NRIP2: variants seen among roughly 807,000 people sequenced by gnomAD.
NRIP2 encodes nuclear receptor-interacting protein 2.
In NRIP2, 27 loss-of-function variants were observed where a neutral mutation model predicts 34.1. That is an observed-to-expected ratio of 0.79 (90% CI 0.58 to 1.09). NRIP2 has a LOEUF of 1.09. Among genes scored for constraint, NRIP2 ranks in the 50% least tolerant of loss-of-function variants. The pLI is 0.00. For synonymous variants in NRIP2, 145 were observed against 146.9 expected (o/e 0.99, Z 0.09); for missense variants, 385 against 352.6 (o/e 1.09, Z -0.74).
intron 1 of NRIP2, among the ~76,000 whole-genome samples, chr12:2,831,651 C>T (rs915717917): frequency 1.4e-4 from 21 of 152,138 alleles, no homozygotes; most frequent in African/African-American, 4.8e-4. Flanking sequence ...TGACCTGTCC[C>T]TCATCTACAA....
At chr12:2,830,599 CCCTT>C in intron 2 of NRIP2, 105 bp downstream of exon 2, 1 of 1,196,768 alleles carries the variant, frequency 8.4e-7, no homozygotes. Context: ...GAGAGAGGTG[CCCTT>C]TCTCCCTCCC....
chr12:2,827,777 G>T lies in NRIP2; in HGVS notation c.701-100C>A. ...TCCTTCTCTGCCCACCCCATCCCCA[G>T]ATCCGAGGACACTGGCACAGAGATG... On this transcript the variant is annotated intron_variant, in intron 4 of 5. Coordinates refer to ENST00000337508, the MANE Select transcript of NRIP2 (RefSeq NM_031474.3). The surrounding 1 kb of genome is among the most constrained non-coding windows in gnomAD (Gnocchi z 4.0). 1 of 1,607,310 alleles carries T rather than the reference G, an allele frequency of 6.2e-7. No homozygotes were observed. Among genetic ancestry groups the T allele is most frequent in the Non-Finnish European group, 8.5e-7 (1 of 1,177,268 alleles).
rs201975553 is a variant in NRIP2, at chr12:2,834,660, G to T, written c.324C>A (p.Leu108=). The T allele has an allele frequency of 5.0e-6, 8 of 1,601,484 alleles. No homozygotes were observed. The highest frequency in any genetic ancestry group is 8.5e-7 in the Non-Finnish European group (1 of 1,173,282). The change falls in exon 1 of 6, where the codon CTC becomes CTA. Residue 108 remains leucine, a synonymous_variant. Transcript: ENST00000337508. ...DLLPLDSLKR[L]GTSKDLQPRS... ...GCCTCACCAAGTCCTTGGAGGTGCC[G>T]AGCCTCTTGAGGCTGTCCAGCGGGA...
Position 2,827,556 on chromosome 12 carries a change from G to A in NRIP2, c.753+69C>T, listed in dbSNP as rs369634091. On this transcript the variant is annotated intron_variant, in intron 5 of 5. Coordinates refer to ENST00000337508, the MANE Select transcript of NRIP2 (RefSeq NM_031474.3). This position sits in a 1 kb window ranked among gnomAD's most constrained non-coding sequence, Gnocchi z 4.0. Reference sequence around the variant, plus strand: ...GTCACTCTCATCAGAACCTGGTCCAGGTTCCACACCTGTGCCTTCTACTAC... The same window carrying A: ...GTCACTCTCATCAGAACCTGGTCCAAGTTCCACACCTGTGCCTTCTACTAC... 9.9e-6 allele frequency: 16 copies of A among 1,610,446 alleles called. No individual in the cohort carries two copies. The highest frequency in any genetic ancestry group is 1.4e-5 in the Non-Finnish European group (16 of 1,178,690).
chr12:2,834,871 G>A lies in NRIP2; in HGVS notation c.113C>T (p.Pro38Leu). 1 of 1,613,782 alleles carries A rather than the reference G, an allele frequency of 6.2e-7. No individual in the cohort carries two copies. Among genetic ancestry groups the A allele is most frequent in the Non-Finnish European group, 8.5e-7 (1 of 1,179,964 alleles). Residue 38 changes from proline to leucine, a missense_variant, in exon 1 of 6, where the codon CCA becomes CTA. By Grantham distance (98) the Pro-to-Leu change is moderately conservative. Transcript: ENST00000337508. ...GRSREDSVTP[P>L]PSSPWPTPPA... ...AGGAGTGGGCCAGGGGCTGCTCGGT[G>A]GGGGCGTCACCGAGTCCTCTCTGCT...
chr12:2,830,999 G>A (rs2097999918), intron 1 of NRIP2, 139 bp from the exon 2 acceptor site: 1 of 799,350 alleles, frequency 1.3e-6, no homozygotes. Flanking sequence ...TTACCCTAGG[G>A]TCCCAGATAA....
In NRIP2 at chr12:2,828,370, T is replaced by C. The variant is rs1603483907; in HGVS notation, c.540A>G (p.Gln180=). The C allele has an allele frequency of 6.2e-7, 1 of 1,614,122 alleles. No individual in the cohort carries two copies. The highest frequency in any genetic ancestry group is 8.5e-7 in the Non-Finnish European group (1 of 1,180,028). ...GACATCCAGCAGAGATCCGATTGTATTGGGTGCCTGTGTCAACGGCCACTC... is the reference window on the plus strand; with the variant it reads ...GACATCCAGCAGAGATCCGATTGTACTGGGTGCCTGTGTCAACGGCCACTC... The part of the protein sequence containing the change: ...LLRVAVDTGT[Q]YNRISAGCLS... Residue 180 remains glutamine, a synonymous_variant, in exon 3 of 6, where the codon CAA becomes CAG. Transcript: ENST00000337508.
intron 1 of NRIP2, among the ~76,000 whole-genome samples, chr12:2,833,863 G>A (rs1414391937): frequency 1.3e-5 from 2 of 152,218 alleles, no homozygotes; most frequent in African/African-American, 2.4e-5. Flanking sequence ...AAGAAACTGA[G>A]GCACAGAGAC....
rs752566435 is a variant in NRIP2 at position 2,834,772 on chromosome 12, G to T, written c.212C>A (p.Ala71Glu). 6.2e-7 allele frequency: 1 copy of T among 1,613,768 alleles called. No homozygotes were observed. Among genetic ancestry groups the T allele is most frequent in the Non-Finnish European group, 8.5e-7 (1 of 1,180,000 alleles). Residue 71 changes from alanine (A) to glutamate (E), a missense_variant, in exon 1 of 6, where the codon GCA (alanine) becomes GAA (glutamate). Physicochemically the swap from Ala to Glu is moderately radical, Grantham distance 107. Transcript: ENST00000337508. ...EGEARTRGQE[A>E]QLRDRAHLSQ... ...CAGGTGGGCTCGGTCTCGAAGCTGT[G>T]CCTCCTGCCCCCTCGTCCTGGCTTC...
intron 1 of NRIP2, 139 bp from the exon 2 acceptor site, chr12:2,830,999 G>T: frequency 2.5e-6 from 2 of 799,348 alleles, no homozygotes; most frequent in Admixed American, 3.1e-5. Context: ...TTACCCTAGG[G>T]TCCCAGATAA....
chr12:2,825,806 A>G lies in NRIP2; in HGVS notation c.*1401T>C, dbSNP rs2097963766. ...GAGACAGGGTCTCACTCCTTCACCC[A>G]GGCTGGAGTCCGATGGCACGAACTT... On this transcript the variant is annotated 3_prime_UTR_variant, in exon 6 of 6. Coordinates refer to ENST00000337508, the MANE Select transcript of NRIP2 (RefSeq NM_031474.3). The G allele has an allele frequency of 1.3e-5, 2 of 152,288 alleles. No individual in the cohort carries two copies. The highest frequency in any genetic ancestry group is 2.4e-5 in the African/African-American group (1 of 41,430). 9.4% of individuals were successfully genotyped at this position (152,288 alleles called of 1,614,324 possible). A position where few individuals can be genotyped will look rare whatever the true frequency, so the allele number is the denominator to read the frequency against.
Position 2,826,852 on chromosome 12 carries a change from G to T in NRIP2, c.*355C>A. On this transcript the variant is annotated 3_prime_UTR_variant, in exon 6 of 6. Transcript: ENST00000337508. ...AGTTGTGTTTGGGGTGGTATTGGGT[G>T]ATGGACAAGGACAGCAGTCAGCAGA... 1 of 415,914 alleles carries T rather than the reference G, an allele frequency of 2.4e-6. No homozygotes were observed. Among genetic ancestry groups the T allele is most frequent in the Non-Finnish European group, 3.7e-6 (1 of 268,174 alleles). The allele number at this position is 415,914 out of a possible 1,614,324, so 25.8% of individuals were successfully genotyped here.
At chr12:2,833,738 T>C (rs187404671) in intron 1 of NRIP2, among the ~76,000 whole-genome samples, 16 of 152,286 alleles carry the variant, frequency 1.1e-4, no homozygotes, top group Admixed American at 6.5e-5. Flanking sequence ...GGAATAATAA[T>C]AATAGCATTT....
chr12:2,826,115 ACT>A lies in NRIP2; in HGVS notation c.*1090_*1091del, dbSNP rs1476848530. ...TGAGAGACTCAAACCAGCCAGAAAG[ACT>A]CTCAGGGATCTGGCGTCTTAAGGTT... On this transcript the variant is annotated 3_prime_UTR_variant, in exon 6 of 6. Transcript: ENST00000337508. 1 of 150,410 alleles carries A rather than the reference ACT, an allele frequency of 6.6e-6. No homozygotes were observed. The highest frequency in any genetic ancestry group is 2.5e-5 in the African/African-American group (1 of 40,696). 9.3% of individuals were successfully genotyped at this position (150,410 alleles called of 1,614,324 possible). A position where few individuals can be genotyped will look rare whatever the true frequency, so the allele number is the denominator to read the frequency against.
chr12:2,827,193 G>C lies in NRIP2; in HGVS notation c.*14C>G. The C allele has an allele frequency of 6.2e-7, 1 of 1,614,006 alleles. No individual in the cohort carries two copies. The highest frequency in any genetic ancestry group is 2.2e-5 in the East Asian group (1 of 44,880). ...GGCAAGGTCTTTCCCTCTGGGGACT[G>C]ACTGAGACAGCAGTCACTGGCCAGG... On this transcript the variant is annotated 3_prime_UTR_variant, in exon 6 of 6. Transcript: ENST00000337508. The surrounding 1 kb of genome is among the most constrained non-coding windows in gnomAD (Gnocchi z 4.0).
chr12:2,825,712 C>T lies in NRIP2; in HGVS notation c.*1495G>A, dbSNP rs537164415. The T allele has an allele frequency of 6.0e-4, 92 of 152,560 alleles. No homozygotes were observed. The highest frequency in any genetic ancestry group is 1.2e-3 in the South Asian group (6 of 4,828). The allele number at this position is 152,560 out of a possible 1,614,324, so 9.5% of individuals were successfully genotyped here. On this transcript the variant is annotated 3_prime_UTR_variant, in exon 6 of 6. Coordinates refer to ENST00000337508, the MANE Select transcript of NRIP2 (RefSeq NM_031474.3). ...CAGGCTCAAGACTGTTTCAGCCCAA[C>T]GGTCCCAGTTCCCTTGTTCAGGTTA...
chr12:2,834,607 C>G, intron 1 of NRIP2, 35 bp downstream of exon 1: 1 of 1,540,126 alleles, frequency 6.5e-7, no homozygotes, highest in Non-Finnish European at 8.7e-7. Flanking sequence ...AGGAAAAGGC[C>G]AGGGGACGCT....
rs2097975277 is a variant in NRIP2, at chr12:2,827,654, G to A, written c.724C>T (p.Leu242=). ...VVDAESPEFC[L]GLQTLLSLKC... ...AGAGAAAGCAGAGTCTGCAGGCCCA[G>A]GCAGAATTCAGGACTCTCAGCATCT... Residue 242 remains leucine, a synonymous_variant, in exon 5 of 6, where the codon CTG becomes TTG. Transcript: ENST00000337508. This position sits in a 1 kb window ranked among gnomAD's most constrained non-coding sequence, Gnocchi z 4.0. 1 of 1,614,136 alleles carries A rather than the reference G, an allele frequency of 6.2e-7. No individual in the cohort carries two copies. The highest frequency in any genetic ancestry group is 8.5e-7 in the Non-Finnish European group (1 of 1,180,040).
Position 2,827,789 on chromosome 12 carries a change from C to T in NRIP2, c.701-112G>A. ...CACCCCATCCCCAGATCCGAGGACA[C>T]TGGCACAGAGATGGGGGATAGTCAG... is the stretch of plus-strand genomic sequence containing the variant. On this transcript the variant is annotated intron_variant, in intron 4 of 5. Coordinates refer to ENST00000337508, the MANE Select transcript of NRIP2 (RefSeq NM_031474.3). This position sits in a 1 kb window ranked among gnomAD's most constrained non-coding sequence, Gnocchi z 4.0. 1.2e-6 allele frequency: 2 copies of T among 1,604,958 alleles called. No homozygotes were observed. The highest frequency in any genetic ancestry group is 1.7e-6 in the Non-Finnish European group (2 of 1,175,996).
Sources: gnomAD v4.1 joint callset for allele counts (sites outside exome capture counted in the v4.1 genomes callset) on GRCh38, gnomAD v4.1.1 for gene constraint, Gnocchi (gnomAD v3.1) non-coding constraint, MANE v1.5 for transcripts, NCBI Gene and HGNC (gene_info 2026-07-23, HGNC 2026-07-21) for gene names.